The following CYP19A1 variants were observed in gnomAD, a reference collection of about 807,000 sequenced individuals.
CYP19A1 encodes the protein cytochrome P450 family 19 subfamily A member 1, also known as aromatase.
Under a neutral mutation model 44.4 loss-of-function variants are expected in CYP19A1, and 32 were observed. That is an observed-to-expected ratio of 0.72 (90% confidence interval 0.54 to 0.97). The LOEUF is 0.97. Among genes scored for constraint, CYP19A1 ranks in the 50% least tolerant of loss-of-function variants. The probability of loss-of-function intolerance (pLI) is 0.00; values close to 1 mark genes in which losing one functional copy is unlikely to be tolerated. For synonymous variants in CYP19A1, 212 were observed against 215.6 expected (o/e 0.98, Z 0.14); for missense variants, 598 against 637.8 (o/e 0.94, Z 0.67).
intron 1 of CYP19A1, among the ~76,000 whole-genome samples, chr15:51,298,429 G>A (rs568863875): frequency 6.6e-6 from 1 of 152,288 alleles, no homozygotes; most frequent in South Asian, 2.1e-4. Flanking sequence ...ACATTCTACT[G>A]ATCTTTGTGG....
At chr15:51,232,131 T>C (rs2033084077) in intron 3 of CYP19A1, among the ~76,000 whole-genome samples, 1 of 152,206 alleles carries the variant, frequency 6.6e-6, no homozygotes, top group South Asian at 2.1e-4. Context: ...TTTCCTGCCT[T>C]CTTTATGGCA....
intron 2 of CYP19A1, among the ~76,000 whole-genome samples, chr15:51,239,721 A>G (rs1308798200): frequency 6.6e-6 from 1 of 152,134 alleles, no homozygotes; most frequent in Non-Finnish European, 1.5e-5. Context: ...TTACAAAGGC[A>G]CACGAGGAGC....
intron 1 of CYP19A1, among the ~76,000 whole-genome samples, chr15:51,270,526 A>T (rs1268489312): frequency 2.0e-5 from 3 of 152,202 alleles, no homozygotes; most frequent in Non-Finnish European, 4.4e-5. Flanking sequence ...AACACAGTAT[A>T]ACCAGCCACT....
chr15:51,281,639 C>G (rs2035521938), intron 1 of CYP19A1, among the ~76,000 whole-genome samples: 1 of 152,164 alleles, frequency 6.6e-6, no homozygotes, highest in Non-Finnish European at 1.5e-5. Flanking sequence ...AGTTGGCCCC[C>G]CTCTCAGGGG....
intron 1 of CYP19A1, chr15:51,278,165 T>A (rs2035391523): frequency 6.6e-6 from 1 of 152,060 alleles, no homozygotes; most frequent in South Asian, 2.1e-4. Flanking sequence ...ATCAGTTGCT[T>A]AGAGACCAAA....
At chr15:51,336,117 T>C (rs182849888) in intron 1 of CYP19A1, among the ~76,000 whole-genome samples, 1 of 152,276 alleles carries the variant, frequency 6.6e-6, no homozygotes, top group Admixed American at 6.5e-5. Context: ...GACAGGCTCT[T>C]CAGTGATATG....
At chr15:51,330,100 G>A (rs545822966) in intron 1 of CYP19A1, among the ~76,000 whole-genome samples, 1 of 152,276 alleles carries the variant, frequency 6.6e-6, no homozygotes, top group East Asian at 1.9e-4. Flanking sequence ...GGAGGGAGCA[G>A]GCACCTCCCG....
At chr15:51,302,525 A>G (rs1476085996) in intron 1 of CYP19A1, among the ~76,000 whole-genome samples, 1 of 152,244 alleles carries the variant, frequency 6.6e-6, no homozygotes, top group Non-Finnish European at 1.5e-5. Context: ...GCAAGATGTT[A>G]AAGCAGGCAA....
intron 2 of CYP19A1, among the ~76,000 whole-genome samples, chr15:51,239,168 T>C (rs546315194): frequency 6.6e-6 from 1 of 152,290 alleles, no homozygotes; most frequent in South Asian, 2.1e-4. Context: ...CATGCAATGA[T>C]GGTGGGAGCC....
intron 1 of CYP19A1, among the ~76,000 whole-genome samples, chr15:51,336,397 G>A (rs1463910154): frequency 6.6e-6 from 1 of 152,204 alleles, no homozygotes; most frequent in Non-Finnish European, 1.5e-5. Context: ...GTTGGATGGT[G>A]TGAAGTTTCT....
At chr15:51,273,999 T>G (rs1384684336) in intron 1 of CYP19A1, among the ~76,000 whole-genome samples, 2 of 103,650 alleles carry the variant, frequency 1.9e-5, no homozygotes, top group Non-Finnish European at 3.8e-5. Context: ...AGAGTGAAAT[T>G]TTGTCACACA....
chr15:51,331,115 G>T (rs1247368755), intron 1 of CYP19A1, among the ~76,000 whole-genome samples: 2 of 152,198 alleles, frequency 1.3e-5, no homozygotes, highest in Non-Finnish European at 2.9e-5. Context: ...AACCAATCGG[G>T]TGGTAGGATG....
chr15:51,259,831 C>A (rs1238453220), intron 1 of CYP19A1, among the ~76,000 whole-genome samples: 5 of 152,132 alleles, frequency 3.3e-5, no homozygotes, highest in African/African-American at 2.4e-5. Flanking sequence ...AAAATTGCCC[C>A]AAATTACATT....
rs538320522 is a variant in CYP19A1, at chr15:51,217,779, A to G, written c.743+762T>C. ...CATTAACCTATGCCCCTACTCTAGA[A>G]GATAGGTTATATCTTATTTTAAATA... On this transcript the variant is annotated intron_variant, in intron 6 of 9. Transcript: ENST00000396402. Among the ~76,000 whole-genome samples the G allele has an allele frequency of 6.6e-5, 10 of 152,310 alleles. No homozygotes were observed. The East Asian group carries it at 1.9e-3, about 29-fold the overall frequency.
At position 51,215,939 on chromosome 15, in the gene CYP19A1, G is replaced by A; in HGVS notation, c.744-122C>T. 3.3e-6 allele frequency: 5 copies of A among 1,515,886 alleles called. No individual in the cohort carries two copies. The South Asian group carries it at 4.8e-5, about 15-fold the overall frequency. 93.9% of individuals were successfully genotyped at this position (1,515,886 alleles called of 1,614,324 possible). The stretch of plus-strand genomic sequence containing the variant: ...TAATTGAAAACATTGGTGCTTATGA[G>A]TAAGTGAATTACTATTTTATTTCTT... On this transcript the variant is annotated intron_variant, in intron 6 of 9. Coordinates refer to ENST00000396402, the MANE Select transcript of CYP19A1 (RefSeq NM_000103.4).
intron 4 of CYP19A1, among the ~76,000 whole-genome samples, chr15:51,226,562 C>T (rs1279617322): frequency 6.6e-6 from 1 of 152,112 alleles, no homozygotes; most frequent in Non-Finnish European, 1.5e-5. Flanking sequence ...TGGCATAGCT[C>T]CCCCCATCTC....
chr15:51,333,259 T>A (rs771821442), intron 1 of CYP19A1, among the ~76,000 whole-genome samples: 4 of 152,170 alleles, frequency 2.6e-5, no homozygotes, highest in Non-Finnish European at 5.9e-5. Context: ...GCAGCTGAGG[T>A]GCCTTCTCAG....
chr15:51,298,727 C>A (rs927715918), intron 1 of CYP19A1, among the ~76,000 whole-genome samples: 1 of 152,340 alleles, frequency 6.6e-6, no homozygotes, highest in Admixed American at 6.5e-5. Context: ...TTCTGAGGAA[C>A]TCTTAGCATT....
chr15:51,330,787 A>G, intron 1 of CYP19A1, among the ~76,000 whole-genome samples: 1 of 152,170 alleles, frequency 6.6e-6, no homozygotes, highest in South Asian at 2.1e-4. Context: ...CTCAGAGAGG[A>G]AGGAATGTCA....
Sources: allele counts gnomAD v4.1 joint callset (sites outside exome capture counted in the v4.1 genomes callset), GRCh38; gene constraint gnomAD v4.1.1; transcripts MANE v1.5; gene names NCBI Gene and HGNC (gene_info 2026-07-23, HGNC 2026-07-21).